Variants in DPP10 observed in about 807,000 individuals in gnomAD.
The protein encoded by DPP10 is inactive dipeptidyl peptidase 10.
Under a neutral mutation model 120.9 loss-of-function variants are expected in DPP10, and 33 were observed. That is an observed-to-expected ratio of 0.27 (90% CI 0.21 to 0.37). The LOEUF is 0.37. DPP10 is among the 10% of genes least tolerant of loss of function. DPP10 has a pLI of 1.00. For synonymous variants in DPP10, 337 were observed against 326.1 expected, an observed-to-expected ratio of 1.03 and a Z score of -0.36; for missense variants, 816 against 942.8, an observed-to-expected ratio of 0.87 and a Z score of 1.76.
chr2:115,011,474 T>C (rs1444574949), intron 1 of DPP10, among the ~76,000 whole-genome samples: 1 of 152,234 alleles, frequency 6.6e-6, no homozygotes, highest in African/African-American at 2.4e-5. Flanking sequence ...TAAGCATTTA[T>C]CCTTCTGATA....
At chr2:115,367,070 G>A (rs574985069) in intron 3 of DPP10, among the ~76,000 whole-genome samples, 1 of 152,126 alleles carries the variant, frequency 6.6e-6, no homozygotes, top group Admixed American at 6.6e-5. Flanking sequence ...AGACACTATA[G>A]GGAGGAGAGG....
chr2:114,792,273 T>C (rs1683323890), intron 1 of DPP10, among the ~76,000 whole-genome samples: 1 of 152,220 alleles, frequency 6.6e-6, no homozygotes, highest in South Asian at 2.1e-4. Flanking sequence ...ACACAAAGGT[T>C]CATAATGGCT....
At chr2:114,818,757 C>G (rs1298351443) in intron 1 of DPP10, among the ~76,000 whole-genome samples, 1 of 152,142 alleles carries the variant, frequency 6.6e-6, no homozygotes, top group Non-Finnish European at 1.5e-5. Context: ...ATCTCCTTTA[C>G]AGATTGTATG....
At position 115,167,377 on chromosome 2, in the gene DPP10, A is replaced by T. The variant is rs1573865733; in HGVS notation, c.61-141862A>T. Reference sequence around the variant, plus strand: ...GTTCTAGACCAGCGTGGGCAACGTAATGTGACTTTGTCTCTAAAACAAACA... The same window carrying T: ...GTTCTAGACCAGCGTGGGCAACGTATTGTGACTTTGTCTCTAAAACAAACA... On this transcript the variant is annotated intron_variant, in intron 1 of 25. Transcript: ENST00000410059. Among the ~76,000 whole-genome samples, 5 of 151,864 alleles carry T rather than the reference A, an allele frequency of 3.3e-5. No homozygotes were observed. The Middle Eastern group carries it at 0.014, about 413-fold the overall frequency.
At chr2:115,399,127 C>G (rs1169103274) in intron 3 of DPP10, among the ~76,000 whole-genome samples, 1 of 152,130 alleles carries the variant, frequency 6.6e-6, no homozygotes, top group Non-Finnish European at 1.5e-5. Context: ...TTCATTGCTA[C>G]TACTATTAGT....
rs1007923766 is a variant in DPP10 at position 114,970,604 on chromosome 2, G to T, written c.61-338635G>T. Among the ~76,000 whole-genome samples, 20 of 152,210 alleles carry T rather than the reference G, an allele frequency of 1.3e-4. No homozygotes were observed. In the East Asian group the frequency reaches 1.7e-3, roughly 13 times the overall value. ...TTATCTGAACTTTACCTACAACCAT[G>T]CCAGCTAAGCAGAACTACTCATGGA... is the stretch of plus-strand genomic sequence containing the variant. On this transcript the variant is annotated intron_variant, in intron 1 of 25. Transcript: ENST00000410059.
At chr2:115,597,058 G>A (rs1176499972) in intron 5 of DPP10, among the ~76,000 whole-genome samples, 1 of 152,164 alleles carries the variant, frequency 6.6e-6, no homozygotes, top group Non-Finnish European at 1.5e-5. Flanking sequence ...AGCAGGCACA[G>A]CTGGAAGTAA....
Position 115,289,501 on chromosome 2 carries a change from A to ATAG in DPP10, c.61-19738_61-19737insTAG, listed in dbSNP as rs1482167850. ...ATAAGAAACCAAAAAAAAAAAAAAAAAAAGGAAGAAAAGAAAAGAAAAAAG... is the reference window on the plus strand; with the variant it reads ...ATAAGAAACCAAAAAAAAAAAAAAAATAGAAAGGAAGAAAAGAAAAGAAAAAAG... On this transcript the variant is annotated intron_variant, in intron 1 of 25. Transcript: ENST00000410059. Among the ~76,000 whole-genome samples the ATAG allele has an allele frequency of 1.0e-3, 73 of 72,312 alleles. 2 individuals are homozygous for ATAG. Among genetic ancestry groups the ATAG allele is most frequent in the African/African-American group, 4.2e-3 (69 of 16,612 alleles). 47.4% of individuals were successfully genotyped at this position (72,312 alleles called of 152,430 possible). A position where few individuals can be genotyped will look rare whatever the true frequency, so the allele number is the denominator to read the frequency against.
intron 1 of DPP10, among the ~76,000 whole-genome samples, chr2:114,724,779 C>T (rs1011861435): frequency 2.0e-5 from 3 of 152,096 alleles, no homozygotes; most frequent in Admixed American, 6.6e-5. Context: ...AGGCCACTCC[C>T]CTGTCCAATC....
chr2:115,424,524 A>C (rs1453549875), intron 3 of DPP10, among the ~76,000 whole-genome samples: 1 of 152,080 alleles, frequency 6.6e-6, no homozygotes, highest in Non-Finnish European at 1.5e-5. Flanking sequence ...AATAAAGAGA[A>C]ACTATTGACA....
chr2:115,760,930 C>G (rs904601606), intron 11 of DPP10, among the ~76,000 whole-genome samples: 2 of 151,994 alleles, frequency 1.3e-5, no homozygotes, highest in Non-Finnish European at 2.9e-5. Flanking sequence ...AACCCTGTCT[C>G]TACTAAAACT....
intron 4 of DPP10, among the ~76,000 whole-genome samples, chr2:115,523,963 A>T (rs534512466): frequency 6.6e-6 from 1 of 152,282 alleles, no homozygotes; most frequent in African/African-American, 2.4e-5. Flanking sequence ...ATCTTCTTCT[A>T]AAATGCCTTA....
intron 17 of DPP10, among the ~76,000 whole-genome samples, chr2:115,790,755 A>G (rs978305463): frequency 1.2e-4 from 19 of 152,154 alleles, no homozygotes; most frequent in African/African-American, 4.3e-4. Flanking sequence ...TAATTGGTAT[A>G]GGTACCTAGG....
intron 1 of DPP10, among the ~76,000 whole-genome samples, chr2:114,829,286 T>C (rs1686854655): frequency 6.6e-6 from 1 of 151,150 alleles, no homozygotes; most frequent in African/African-American, 2.4e-5. Flanking sequence ...TGAGACTCCA[T>C]CTCAAAAATA....
At chr2:115,699,377 G>A (rs151182450) in intron 7 of DPP10, among the ~76,000 whole-genome samples, 212 of 152,240 alleles carry the variant, frequency 1.4e-3, no homozygotes, top group African/African-American at 4.3e-3. Context: ...CAAGGCGGGC[G>A]GATCACCTGA....
chr2:115,488,570 A>G (rs373914667), intron 3 of DPP10, among the ~76,000 whole-genome samples: 10 of 18,210 alleles, frequency 5.5e-4, no homozygotes, highest in South Asian at 2.8e-3. Context: ...ATGAGTTCAT[A>G]TCCTTTGTAG....
chr2:115,271,697 TA>T lies in DPP10; in HGVS notation c.61-37535del, dbSNP rs1192493362. ...AAGCAGATTTTGAATAAAACATAGG[TA>T]AAAAAACTTTTAAGTAAGAAAATAT... On this transcript the variant is annotated intron_variant, in intron 1 of 25. Coordinates refer to ENST00000410059, the MANE Select transcript of DPP10 (RefSeq NM_020868.6). 7.2e-5 allele frequency among the ~76,000 whole-genome samples: 11 copies of T among 152,174 alleles called. No individual in the cohort carries two copies. The East Asian group carries it at 1.5e-3, about 21-fold the overall frequency.
rs764275393 is a variant in DPP10, at chr2:114,442,749, G to A, written c.-30G>A. The A allele has an allele frequency of 6.8e-6, 11 of 1,612,544 alleles. No individual in the cohort carries two copies. In the Admixed American group the frequency reaches 1.8e-4, roughly 27 times the overall value. On this transcript the variant is annotated 5_prime_UTR_variant, in exon 1 of 26. Transcript: ENST00000410059. ...TCTAGTTCATTCTGGAACTCCGCCTGGGATTGTGCACTGTCCAGGGTCCTG... is the reference window on the plus strand; with the variant it reads ...TCTAGTTCATTCTGGAACTCCGCCTAGGATTGTGCACTGTCCAGGGTCCTG...
intron 5 of DPP10, among the ~76,000 whole-genome samples, chr2:115,631,212 G>C (rs552887722): frequency 6.6e-6 from 1 of 151,848 alleles, no homozygotes; most frequent in East Asian, 1.9e-4. Flanking sequence ...ATTTGCATAG[G>C]GGTATTTATA....
Sources: allele counts gnomAD v4.1 joint callset (sites outside exome capture counted in the v4.1 genomes callset), GRCh38; gene constraint gnomAD v4.1.1; transcripts MANE v1.5; gene names NCBI Gene and HGNC (gene_info 2026-07-23, HGNC 2026-07-21).